The following LPP variants were observed in gnomAD, a reference collection of about 807,000 sequenced individuals.
LPP encodes the protein LIM domain containing preferred translocation partner in lipoma.
In LPP, 38 loss-of-function variants were observed where a neutral mutation model predicts 60.4. The observed-to-expected ratio is 0.63, with a 90% CI of 0.49 to 0.83. LPP has a LOEUF of 0.83. Ranked by LOEUF, LPP falls within the 40% of genes least tolerant of loss-of-function variation. LPP has a pLI of 0.00. For missense variants in LPP, 902 were observed against 783.6 expected, an observed-to-expected ratio of 1.15 and a Z score of -1.80; for synonymous variants, 328 against 290.8, an observed-to-expected ratio of 1.13 and a Z score of -1.30.
chr3:188,811,933 C>T (rs1035081346), intron 9 of LPP, among the ~76,000 whole-genome samples: 4 of 152,030 alleles, frequency 2.6e-5, no homozygotes, highest in African/African-American at 4.8e-5. Context: ...AATCACATCA[C>T]GGAGAATGGG....
intron 1 of LPP, among the ~76,000 whole-genome samples, chr3:188,203,636 A>G (rs1430303887): frequency 1.8e-5 from 2 of 110,680 alleles, no homozygotes; most frequent in Non-Finnish European, 3.6e-5. Context: ...CATATCAAAT[A>G]TGTATATATA....
At chr3:188,276,894 CTTTTTTTTTTTTTTT>C (rs1203656488) in intron 2 of LPP, among the ~76,000 whole-genome samples, 1 of 38,204 alleles carries the variant, frequency 2.6e-5, no homozygotes, top group Non-Finnish European at 5.0e-5. Context: ...CTTTTCTTTT[CTTTTTTTTTTTTTTT>C]TTTTTTTTTT....
intron 3 of LPP, among the ~76,000 whole-genome samples, chr3:188,361,312 G>A (rs1769231119): frequency 6.6e-6 from 1 of 151,978 alleles, no homozygotes; most frequent in Non-Finnish European, 1.5e-5. Context: ...CCATTTATAG[G>A]GGTCGTAGGG....
chr3:188,403,018 G>A (rs1438860330), intron 3 of LPP, among the ~76,000 whole-genome samples: 6 of 152,210 alleles, frequency 3.9e-5, no homozygotes, highest in African/African-American at 9.6e-5. Context: ...ATAAATCCTG[G>A]GAATGGGGTC....
intron 3 of LPP, among the ~76,000 whole-genome samples, chr3:188,371,725 A>C (rs1773306115): frequency 7.7e-6 from 1 of 130,474 alleles, no homozygotes; most frequent in Non-Finnish European, 1.6e-5. Flanking sequence ...CGCGATCTCA[A>C]CTCACCACAA....
At chr3:188,869,638 A>T (rs1767566800) in intron 10 of LPP, among the ~76,000 whole-genome samples, 1 of 152,196 alleles carries the variant, frequency 6.6e-6, no homozygotes, top group Non-Finnish European at 1.5e-5. Context: ...ATGTGCCTGT[A>T]ATCCACAGAG....
intron 8 of LPP, among the ~76,000 whole-genome samples, chr3:188,719,569 T>G (rs751503018): frequency 6.6e-6 from 1 of 152,190 alleles, no homozygotes; most frequent in Non-Finnish European, 1.5e-5. Flanking sequence ...GAAGCAAACT[T>G]GAAATTCTGG....
At chr3:188,269,166 G>A (rs1736724781) in intron 2 of LPP, among the ~76,000 whole-genome samples, 1 of 152,190 alleles carries the variant, frequency 6.6e-6, no homozygotes, top group Non-Finnish European at 1.5e-5. Context: ...AGGGTTAATA[G>A]GTGGCTGTTT....
chr3:188,769,701 T>C (rs980247927), intron 9 of LPP, among the ~76,000 whole-genome samples: 2 of 152,152 alleles, frequency 1.3e-5, no homozygotes, highest in Admixed American at 1.3e-4. Context: ...AAACCATGAG[T>C]CTTCATGAGG....
chr3:188,281,546 G>C (rs1024194025), intron 2 of LPP, among the ~76,000 whole-genome samples: 1 of 137,050 alleles, frequency 7.3e-6, no homozygotes. Context: ...GGAGGTTTCA[G>C]TGAACTGAGA....
intron 7 of LPP, among the ~76,000 whole-genome samples, chr3:188,654,966 G>A (rs1374037809): frequency 1.3e-5 from 2 of 152,058 alleles, no homozygotes; most frequent in Non-Finnish European, 2.9e-5. Flanking sequence ...CCTTTAGAAA[G>A]GAAAACTGCA....
At chr3:188,742,190 A>G (rs1724686888) in intron 8 of LPP, among the ~76,000 whole-genome samples, 1 of 152,120 alleles carries the variant, frequency 6.6e-6, no homozygotes, top group African/African-American at 2.4e-5. Flanking sequence ...CATACACTGC[A>G]GTTGAGGATG....
At chr3:188,535,959 AAAC>A (rs963432887) in intron 6 of LPP, among the ~76,000 whole-genome samples, 2 of 152,028 alleles carry the variant, frequency 1.3e-5, no homozygotes, top group Non-Finnish European at 2.9e-5. Flanking sequence ...TTTTTTCAGA[AAAC>A]AACAACATCA....
At chr3:188,607,370 GATATATATAT>G (rs10527365) in intron 6 of LPP, among the ~76,000 whole-genome samples, 232 of 102,648 alleles carry the variant, frequency 2.3e-3, no homozygotes, top group Middle Eastern at 9.3e-3. Context: ...GAAAATAGAA[GATATATATAT>G]ATATATATAT....
intron 1 of LPP, among the ~76,000 whole-genome samples, chr3:188,160,192 G>A (rs1717818473): frequency 1.3e-5 from 2 of 152,000 alleles, no homozygotes. Context: ...TTACAGGCGT[G>A]AGCCACCACG....
intron 3 of LPP, among the ~76,000 whole-genome samples, chr3:188,358,927 C>G (rs781773245): frequency 4.5e-4 from 68 of 152,208 alleles, no homozygotes; most frequent in Non-Finnish European, 1.6e-4. Context: ...GCTGCACCCT[C>G]TGGTGCTCTA....
At chr3:188,243,457 G>T (rs1423316103) in intron 2 of LPP, among the ~76,000 whole-genome samples, 1 of 152,166 alleles carries the variant, frequency 6.6e-6, no homozygotes, top group African/African-American at 2.4e-5. Flanking sequence ...GGCTTGGGGT[G>T]GTGTCTCAGA....
rs781615934 is a variant in LPP at position 188,866,358 on chromosome 3, C to G, written c.1569C>G (p.His523Gln). ...PFTVDAGGLI[H>Q]CIEDFHKKFA... ...CTGTGGATGCTGGCGGGCTCATTCA[C>G]TGCATTGAGGACTTCCACAAGTAGG... Residue 523 changes from histidine to glutamine, a missense_variant, in exon 10 of 12, where the codon CAC (histidine) becomes CAG (glutamine). Coordinates refer to ENST00000617246, the MANE Select transcript of LPP (RefSeq NM_001375462.1). The G allele has an allele frequency of 3.3e-6, 5 of 1,538,094 alleles. 1 individual carries two copies. The South Asian group carries it at 6.2e-5, about 19-fold the overall frequency.
chr3:188,853,292 T>A (rs566858541), intron 9 of LPP, among the ~76,000 whole-genome samples: 2 of 152,232 alleles, frequency 1.3e-5, no homozygotes, highest in Non-Finnish European at 2.9e-5. Flanking sequence ...GGGATGTGTT[T>A]TGGTGTAGTC....
Sources: allele counts gnomAD v4.1 joint callset (sites outside exome capture counted in the v4.1 genomes callset), GRCh38; gene constraint gnomAD v4.1.1; transcripts MANE v1.5; gene names NCBI Gene and HGNC (gene_info 2026-07-23, HGNC 2026-07-21).